L2HGDH: variants seen among roughly 807,000 people sequenced by gnomAD.
The protein encoded by L2HGDH is L-2-hydroxyglutarate dehydrogenase, mitochondrial.
L2HGDH carries 34 observed loss-of-function variants against 51.5 expected under a neutral mutation model. The observed-to-expected ratio is 0.66, with a 90% CI of 0.50 to 0.88. The LOEUF (loss-of-function observed/expected upper bound fraction) is 0.88, where lower values mean the gene tolerates loss of function less well. L2HGDH is among the 40% of genes least tolerant of loss of function. The probability of loss-of-function intolerance (pLI) is 0.00; values close to 1 mark genes in which losing one functional copy is unlikely to be tolerated. For synonymous variants in L2HGDH, 198 were observed against 197.9 expected (o/e 1.00, Z -0.01); for missense variants, 558 against 571.9 (o/e 0.98, Z 0.25).
At chr14:50,305,739 A>G (rs2139223243) in intron 1 of L2HGDH, among the ~76,000 whole-genome samples, 1 of 152,364 alleles carries the variant, frequency 6.6e-6, no homozygotes, top group South Asian at 2.1e-4. Context: ...TTTTATATAC[A>G]GTCATCCCTC....
intron 1 of L2HGDH, among the ~76,000 whole-genome samples, chr14:50,309,785 C>G (rs934087970): frequency 6.6e-6 from 1 of 151,214 alleles, no homozygotes; most frequent in East Asian, 1.9e-4. Context: ...TGGGCTCAAG[C>G]GATCCTCCTG....
intron 6 of L2HGDH, among the ~76,000 whole-genome samples, chr14:50,276,040 C>A (rs1225097738): frequency 6.6e-6 from 1 of 152,170 alleles, no homozygotes; most frequent in Non-Finnish European, 1.5e-5. Flanking sequence ...GATAACTAAT[C>A]CTGACTCTCA....
At chr14:50,301,982 T>G in intron 3 of L2HGDH, 35 bp downstream of exon 3, 1 of 1,609,414 alleles carries the variant, frequency 6.2e-7, no homozygotes, top group Admixed American at 1.7e-5. Flanking sequence ...AAATGCTAGT[T>G]GGAAATTAGT....
intron 8 of L2HGDH, among the ~76,000 whole-genome samples, chr14:50,267,129 C>G (rs1889380758): frequency 1.3e-5 from 2 of 150,776 alleles, no homozygotes; most frequent in Non-Finnish European, 1.5e-5. Context: ...AACTCTTGGC[C>G]TTATCTTCTT....
At chr14:50,274,286 A>AG (rs59827490) in intron 6 of L2HGDH, among the ~76,000 whole-genome samples, 2 of 139,034 alleles carry the variant, frequency 1.4e-5, no homozygotes, top group African/African-American at 2.6e-5. Flanking sequence ...AAAAAAAAAA[A>AG]GGGGAGTGGG....
chr14:50,272,425 G>A (rs983288618), intron 6 of L2HGDH, among the ~76,000 whole-genome samples: 6 of 152,130 alleles, frequency 3.9e-5, no homozygotes, highest in Non-Finnish European at 7.4e-5. Context: ...CACATGACCC[G>A]GCAAATCTGA....
At chr14:50,248,239 T>A (rs908241470) in intron 9 of L2HGDH, among the ~76,000 whole-genome samples, 2 of 152,200 alleles carry the variant, frequency 1.3e-5, no homozygotes, top group South Asian at 4.1e-4. Flanking sequence ...CTTATGAAAC[T>A]TGTCCAAGGA....
At chr14:50,274,512 A>G (rs1889870227) in intron 6 of L2HGDH, among the ~76,000 whole-genome samples, 1 of 152,230 alleles carries the variant, frequency 6.6e-6, no homozygotes, top group South Asian at 2.1e-4. Flanking sequence ...GGGAATGTAA[A>G]TTGGACAGCC....
Position 50,312,028 on chromosome 14 carries a change from G to T in L2HGDH, c.123C>A (p.Ser41Arg). The part of the protein sequence containing the change: ...SGRPRPLCGG[S>R]RSASTSSFDI... Reference sequence around the variant, plus strand: ...CCACTCACCTGGTGCTGGCGCTGCGGCTACCTCCACACAGCGGTCTTGGCC... The same window carrying T: ...CCACTCACCTGGTGCTGGCGCTGCGTCTACCTCCACACAGCGGTCTTGGCC... Residue 41 changes from serine (S) to arginine (R), a missense_variant, in exon 1 of 10, where the codon AGC becomes AGA. By Grantham distance (110) the Ser-to-Arg change is moderately radical (BLOSUM62 -1). Transcript: ENST00000267436. 4 of 1,574,300 alleles carry T rather than the reference G, an allele frequency of 2.5e-6. No individual in the cohort carries two copies. Among genetic ancestry groups the T allele is most frequent in the Non-Finnish European group, 3.4e-6 (4 of 1,162,392 alleles).
chr14:50,295,861 C>T (rs867831584), intron 3 of L2HGDH, among the ~76,000 whole-genome samples: 1 of 151,708 alleles, frequency 6.6e-6, no homozygotes, highest in Admixed American at 6.6e-5. Context: ...GCCTCAGCCT[C>T]CCAAGTAGCT....
At chr14:50,270,492 TTTGTTGTTG>T (rs145385696) in intron 6 of L2HGDH, among the ~76,000 whole-genome samples, 14,020 of 150,712 alleles carry the variant, frequency 0.093, 753 homozygotes, top group Non-Finnish European at 0.12. Context: ...GCCTTACTGT[TTTGTTGTTG>T]TTGTTGTTGT....
intron 7 of L2HGDH, among the ~76,000 whole-genome samples, chr14:50,268,160 T>C (rs113604108): frequency 3.3e-5 from 5 of 152,060 alleles, no homozygotes; most frequent in African/African-American, 1.2e-4. Context: ...GTGAGGATCA[T>C]TTGAGATCTG....
At chr14:50,247,276 T>G (rs1454386160) in intron 9 of L2HGDH, 23 bp from the exon 10 acceptor site, 2 of 1,607,462 alleles carry the variant, frequency 1.2e-6, no homozygotes, top group African/African-American at 2.7e-5. Context: ...AAGATGGGAG[T>G]CAGCTGACTC....
chr14:50,292,124 C>A (rs1890917063), intron 4 of L2HGDH, among the ~76,000 whole-genome samples: 1 of 152,092 alleles, frequency 6.6e-6, no homozygotes, highest in Non-Finnish European at 1.5e-5. Context: ...CCATGCAAGA[C>A]TTCCATACTG....
intron 4 of L2HGDH, chr14:50,293,284 C>G (rs1250028125): frequency 2.8e-6 from 2 of 702,058 alleles, no homozygotes; most frequent in Non-Finnish European, 5.2e-6. Flanking sequence ...AACTGGATAT[C>G]TGTTTGGGGA....
At chr14:50,260,461 G>T (rs1888954133) in intron 9 of L2HGDH, among the ~76,000 whole-genome samples, 1 of 152,138 alleles carries the variant, frequency 6.6e-6, no homozygotes. Context: ...TATACGTTGA[G>T]TCACACATAA....
At chr14:50,282,964 C>T (rs1262479977) in intron 5 of L2HGDH, among the ~76,000 whole-genome samples, 1 of 151,798 alleles carries the variant, frequency 6.6e-6, no homozygotes, top group Non-Finnish European at 1.5e-5. Flanking sequence ...ATCACTTGAG[C>T]TCGGGAGTTC....
At chr14:50,298,685 T>C (rs2030224886) in intron 3 of L2HGDH, among the ~76,000 whole-genome samples, 1 of 151,820 alleles carries the variant, frequency 6.6e-6, no homozygotes, top group African/African-American at 2.4e-5. Context: ...AGAGACTCTA[T>C]CTCAAAAAAA....
rs1005685858 is a variant in L2HGDH, at chr14:50,309,826, G to C, written c.140+2185C>G. Among the ~76,000 whole-genome samples the C allele has an allele frequency of 2.0e-5, 3 of 151,848 alleles. No individual in the cohort carries two copies. In the South Asian group the frequency reaches 6.3e-4, roughly 32 times the overall value. On this transcript the variant is annotated intron_variant, in intron 1 of 9. Transcript: ENST00000267436. ...GCCCCACAAGTGGCTGGGACTACAG[G>C]AGCAAGCCACCACACCTGGCTAATT...
Sources: gnomAD v4.1 joint callset for allele counts (sites outside exome capture counted in the v4.1 genomes callset) on GRCh38, gnomAD v4.1.1 for gene constraint, MANE v1.5 for transcripts, NCBI Gene and HGNC (gene_info 2026-07-23, HGNC 2026-07-21) for gene names.